CSMD1: variants seen among roughly 807,000 people sequenced by gnomAD.
CSMD1 encodes CUB and sushi domain-containing protein 1.
CSMD1 carries 213 observed loss-of-function variants against 417.5 expected under a neutral mutation model. That is an observed-to-expected ratio of 0.51 (90% CI 0.46 to 0.57). The LOEUF (loss-of-function observed/expected upper bound fraction) is 0.57. Among genes scored for constraint, CSMD1 ranks in the 20% least tolerant of loss-of-function variants. CSMD1 has a pLI of 0.00. For missense variants in CSMD1, 6,923 were observed against 4,529.7 expected, an observed-to-expected ratio of 1.53 and a Z score of -15.17; for synonymous variants, 2,862 against 1,736.8, an observed-to-expected ratio of 1.65 and a Z score of -16.11.
At chr8:4,264,276 A>G (rs1187990741) in intron 3 of CSMD1, among the ~76,000 whole-genome samples, 1 of 152,218 alleles carries the variant, frequency 6.6e-6, no homozygotes, top group Non-Finnish European at 1.5e-5. Flanking sequence ...ACATTGCTAT[A>G]GTAACACATT....
chr8:4,730,818 T>C (rs1285342833), intron 1 of CSMD1, among the ~76,000 whole-genome samples: 2 of 151,862 alleles, frequency 1.3e-5, no homozygotes, highest in Non-Finnish European at 1.5e-5. Context: ...ATTTTCTTGG[T>C]TTTTGTGCAT....
intron 8 of CSMD1, among the ~76,000 whole-genome samples, chr8:3,614,348 C>T (rs944106997): frequency 1.3e-5 from 2 of 151,632 alleles, no homozygotes; most frequent in Admixed American, 6.6e-5. Context: ...CTCCCTACAC[C>T]GCCCCCCGAG....
At chr8:3,137,400 C>T (rs1202223048) in intron 41 of CSMD1, among the ~76,000 whole-genome samples, 1 of 152,214 alleles carries the variant, frequency 6.6e-6, no homozygotes, top group Non-Finnish European at 1.5e-5. Context: ...GGGGAATAAA[C>T]ACCTCAAGTA....
At chr8:4,727,226 C>G (rs1452121742) in intron 1 of CSMD1, among the ~76,000 whole-genome samples, 1 of 152,182 alleles carries the variant, frequency 6.6e-6, no homozygotes, top group Non-Finnish European at 1.5e-5. Flanking sequence ...GTCCACTCAG[C>G]AGGGCACCCA....
At chr8:4,563,049 C>G (rs140359650) in intron 2 of CSMD1, among the ~76,000 whole-genome samples, 1 of 152,078 alleles carries the variant, frequency 6.6e-6, no homozygotes, top group Non-Finnish European at 1.5e-5. Flanking sequence ...TTTGTATTAA[C>G]CAACTCCAAA....
intron 1 of CSMD1, among the ~76,000 whole-genome samples, chr8:4,898,440 C>T (rs931277743): frequency 7.9e-5 from 12 of 152,234 alleles, no homozygotes; most frequent in South Asian, 2.1e-4. Flanking sequence ...ACAGAAGGAC[C>T]GCATGGGTGT....
At chr8:4,838,142 G>A (rs774376148) in intron 1 of CSMD1, among the ~76,000 whole-genome samples, 2 of 152,114 alleles carry the variant, frequency 1.3e-5, no homozygotes, top group Non-Finnish European at 2.9e-5. Flanking sequence ...AAGCAAGGGG[G>A]AAATATAGCT....
At chr8:3,171,670 G>A (rs922034041) in intron 37 of CSMD1, among the ~76,000 whole-genome samples, 1 of 152,094 alleles carries the variant, frequency 6.6e-6, no homozygotes, top group African/African-American at 2.4e-5. Flanking sequence ...GAATTCTAAA[G>A]TGAGTAAGAA....
At chr8:4,534,592 T>G (rs542310261) in intron 2 of CSMD1, among the ~76,000 whole-genome samples, 1 of 152,246 alleles carries the variant, frequency 6.6e-6, no homozygotes, top group African/African-American at 2.4e-5. Flanking sequence ...TCCTCCCTCT[T>G]TCCCCATTCT....
At chr8:3,711,227 AAT>A (rs1248786385) in intron 6 of CSMD1, among the ~76,000 whole-genome samples, 1 of 152,186 alleles carries the variant, frequency 6.6e-6, no homozygotes, top group Non-Finnish European at 1.5e-5. Context: ...GCAATGAAGA[AAT>A]AAGTCCAATG....
chr8:4,819,457 T>C (rs1234418835), intron 1 of CSMD1, among the ~76,000 whole-genome samples: 1 of 152,178 alleles, frequency 6.6e-6, no homozygotes, highest in South Asian at 2.1e-4. Flanking sequence ...AGAAATATTA[T>C]TGCCAAATTG....
chr8:4,565,510 G>A (rs1276564552), intron 2 of CSMD1, among the ~76,000 whole-genome samples: 1 of 151,890 alleles, frequency 6.6e-6, no homozygotes, highest in African/African-American at 2.4e-5. Context: ...GGTCAAGGTG[G>A]GCGATCACAA....
chr8:3,728,176 T>A (rs1019021186), intron 6 of CSMD1, among the ~76,000 whole-genome samples: 2 of 152,174 alleles, frequency 1.3e-5, no homozygotes, highest in Non-Finnish European at 2.9e-5. Flanking sequence ...GTTGCCCCCA[T>A]ACTGTTCTCA....
At chr8:4,224,520 G>A (rs772976206) in intron 3 of CSMD1, among the ~76,000 whole-genome samples, 4 of 152,220 alleles carry the variant, frequency 2.6e-5, no homozygotes, top group East Asian at 1.9e-4. Flanking sequence ...TGCCCTCTTC[G>A]CCTAAGTTAC....
intron 5 of CSMD1, among the ~76,000 whole-genome samples, chr8:3,971,133 G>A (rs761833361): frequency 9.9e-5 from 15 of 151,410 alleles, no homozygotes; most frequent in Non-Finnish European, 2.1e-4. Context: ...GAAATCACAC[G>A]GTGTTAAATA....
At chr8:4,446,665 G>A (rs1242029484) in intron 2 of CSMD1, among the ~76,000 whole-genome samples, 1 of 151,912 alleles carries the variant, frequency 6.6e-6, no homozygotes, top group East Asian at 1.9e-4. Context: ...GCCATTCTCT[G>A]TCTCAGTCTC....
chr8:3,940,518 TG>T lies in CSMD1; in HGVS notation c.818+57384del, dbSNP rs201947133. Among the ~76,000 whole-genome samples, 1,202 of 151,348 alleles carry T rather than the reference TG, an allele frequency of 7.9e-3. 47 individuals carry two copies. In the East Asian group the frequency reaches 0.11, roughly 13 times the overall value. ...TCCTCTGTGTGTGTGTGTGTGTGTGTGTGTGTGTGTGTGTGTGTATGTATGT... is the reference window on the plus strand; with the variant it reads ...TCCTCTGTGTGTGTGTGTGTGTGTGTTGTGTGTGTGTGTGTGTATGTATGT... On this transcript the variant is annotated intron_variant, in intron 5 of 69. Transcript: ENST00000635120.
chr8:4,788,013 A>G, intron 1 of CSMD1: 2 of 1,586,602 alleles, frequency 1.3e-6, no homozygotes, highest in South Asian at 1.1e-5. Flanking sequence ...TCGGGATCTC[A>G]AAGAAGTAAC....
At chr8:3,585,174 G>A (rs1205705628) in intron 9 of CSMD1, among the ~76,000 whole-genome samples, 1 of 152,182 alleles carries the variant, frequency 6.6e-6, no homozygotes, top group Non-Finnish European at 1.5e-5. Context: ...TGGGGCCAAA[G>A]AGTATTCTTA....
Sources: gnomAD v4.1 joint callset for allele counts (sites outside exome capture counted in the v4.1 genomes callset) on GRCh38, gnomAD v4.1.1 for gene constraint, MANE v1.5 for transcripts, NCBI Gene and HGNC (gene_info 2026-07-23, HGNC 2026-07-21) for gene names.